The following ARHGAP30 variants were observed in gnomAD, a reference collection of about 807,000 sequenced individuals.
The protein encoded by ARHGAP30 is rho GTPase-activating protein 30.
Under a neutral mutation model 72.0 loss-of-function variants are expected in ARHGAP30, and 23 were observed. The observed-to-expected ratio is 0.32, with a 90% CI of 0.23 to 0.45. The LOEUF (loss-of-function observed/expected upper bound fraction) is 0.45. Among genes scored for constraint, ARHGAP30 ranks in the 20% least tolerant of loss-of-function variants. The pLI is 1.00. For synonymous variants in ARHGAP30, 576 were observed against 528.2 expected (o/e 1.09, Z -1.24); for missense variants, 1,319 against 1,383.4 (o/e 0.95, Z 0.74).
chr1:161,055,234 T>C (rs1651734243), intron 3 of ARHGAP30, among the ~76,000 whole-genome samples: 1 of 152,250 alleles, frequency 6.6e-6, no homozygotes, highest in Non-Finnish European at 1.5e-5. Context: ...GACTCACACC[T>C]GTAACACCAG....
chr1:161,053,124 C>G (rs1282687676), intron 6 of ARHGAP30, 134 bp downstream of exon 6: 1 of 1,329,088 alleles, frequency 7.5e-7, no homozygotes, highest in Non-Finnish European at 1.0e-6. Flanking sequence ...AATTATCTCC[C>G]CAGGGTTCTC....
chr1:161,064,765 GAAA>G (rs1197299691), intron 1 of ARHGAP30, among the ~76,000 whole-genome samples: 2 of 104,776 alleles, frequency 1.9e-5, no homozygotes, highest in African/African-American at 7.6e-5. Context: ...GAAAGAGAAA[GAAA>G]GAAAGAAAGA....
chr1:161,049,274 C>A lies in ARHGAP30; in HGVS notation c.1747G>T (p.Val583Phe), dbSNP rs918030160. The A allele has an allele frequency of 2.5e-6, 4 of 1,614,118 alleles. No homozygotes were observed. Among genetic ancestry groups the A allele is most frequent in the Non-Finnish European group, 1.7e-6 (2 of 1,180,018 alleles). ...DDLSLDEAQF[V>F]LAPSCCSLDS... ...AGGGAACAGCAGCTGGGGGCCAAGACAAACTGTGCCTCATCCAGAGACAGG... is the reference window on the plus strand; with the variant it reads ...AGGGAACAGCAGCTGGGGGCCAAGAAAAACTGTGCCTCATCCAGAGACAGG... Residue 583 changes from valine (V) to phenylalanine (F), a missense_variant, in exon 12 of 12, where the codon GTC becomes TTC. By Grantham distance (50) the Val-to-Phe change is conservative. Transcript: ENST00000368013.
chr1:161,060,295 A>G, intron 1 of ARHGAP30: 1 of 413,320 alleles, frequency 2.4e-6, no homozygotes, highest in Non-Finnish European at 4.8e-6. Flanking sequence ...AAGAGAAAGA[A>G]AGAAATTTAT....
intron 2 of ARHGAP30, 99 bp from the exon 3 acceptor site, chr1:161,056,631 CAT>C: frequency 7.4e-7 from 1 of 1,347,906 alleles, no homozygotes; most frequent in Non-Finnish European, 1.0e-6. Flanking sequence ...CGTGGGTCAA[CAT>C]GTGTTGGACT....
chr1:161,051,167 T>G, intron 10 of ARHGAP30, 147 bp downstream of exon 10: 1 of 1,365,732 alleles, frequency 7.3e-7, no homozygotes, highest in Non-Finnish European at 9.7e-7. Context: ...TCCCTAATCC[T>G]GAATCTAGGG....
At chr1:161,055,068 G>A (rs1005214907) in intron 3 of ARHGAP30, among the ~76,000 whole-genome samples, 1 of 152,172 alleles carries the variant, frequency 6.6e-6, no homozygotes, top group Non-Finnish European at 1.5e-5. Flanking sequence ...CCCCAACCTA[G>A]CCGGTGTGGA....
Position 161,069,263 on chromosome 1 carries a change from C to T in ARHGAP30, c.97+265G>A, listed in dbSNP as rs1037799125. 6.6e-6 allele frequency among the ~76,000 whole-genome samples: 1 copy of T among 152,148 alleles called. No individual in the cohort carries two copies. The highest frequency in any genetic ancestry group is 1.5e-5 in the Non-Finnish European group (1 of 68,028). On this transcript the variant is annotated intron_variant, in intron 1 of 11. Coordinates refer to ENST00000368013, the MANE Select transcript of ARHGAP30 (RefSeq NM_001025598.2). This position sits in a 1 kb window ranked among gnomAD's most constrained non-coding sequence, Gnocchi z 4.9. ...CTCCTCGGTTTCCAGTCTCTCCATC[C>T]TCCCCCTCACTGCTACCTGGGTACT...
rs767387301 is a variant in ARHGAP30 at position 161,051,420 on chromosome 1, A to G, written c.1314T>C (p.Val438=). Residue 438 remains valine, a synonymous_variant, in exon 10 of 12, where the codon GTT becomes GTC. Coordinates refer to ENST00000368013, the MANE Select transcript of ARHGAP30 (RefSeq NM_001025598.2). ...GGCCACGGGTGAGCCTGGCCAAGGAAACGTTAGAGATGATGTTCGGGGGCA... is the reference window on the plus strand; with the variant it reads ...GGCCACGGGTGAGCCTGGCCAAGGAGACGTTAGAGATGATGTTCGGGGGCA... The part of the protein sequence containing the change: ...LSVPPNIISN[V]SLARLTRGLE... 2.5e-6 allele frequency: 4 copies of G among 1,614,174 alleles called. No homozygotes were observed. In the Admixed American group the frequency reaches 6.7e-5, roughly 27 times the overall value.
At position 161,048,514 on chromosome 1, in the gene ARHGAP30, T is replaced by C. The variant is rs1651059488; in HGVS notation, c.2507A>G (p.Lys836Arg). The change falls in exon 12 of 12, where the codon AAG becomes AGG. Residue 836 changes from lysine to arginine, a missense_variant. Physicochemically the swap from Lys to Arg is conservative, Grantham distance 26. Transcript: ENST00000368013. ...CTCTCCATCCCCACTCTCCCGTTCC[T>C]TGCTGACCTCCCCTGCTCCTCCTTC... ...ATEGGAGEVS[K>R]ERESGDGEAE... 1 of 1,614,046 alleles carries C rather than the reference T, an allele frequency of 6.2e-7. No homozygotes were observed. The highest frequency in any genetic ancestry group is 1.3e-5 in the African/African-American group (1 of 74,924).
chr1:161,056,556 G>A, intron 2 of ARHGAP30, 24 bp from the exon 3 acceptor site: 1 of 1,606,478 alleles, frequency 6.2e-7, no homozygotes, highest in Non-Finnish European at 8.5e-7. Context: ...GTGTGGTCAG[G>A]AGTGGTAGGG....
chr1:161,056,325 G>T, intron 3 of ARHGAP30, 63 bp downstream of exon 3: 2 of 1,574,146 alleles, frequency 1.3e-6, no homozygotes, highest in Non-Finnish European at 1.7e-6. Context: ...GCACACTTGG[G>T]ATGTCAAAAC....
In ARHGAP30 at chr1:161,067,570, AAAAG is replaced by A. The variant is rs60677751; in HGVS notation, c.97+1954_97+1957del. 9.4e-3 allele frequency among the ~76,000 whole-genome samples: 1,404 copies of A among 149,066 alleles called. 11 individuals are homozygous for A. The highest frequency in any genetic ancestry group is 0.011 in the Non-Finnish European group (710 of 67,330). ...GGGACAGAGCAAGACTCCATCTCAA[AAAAG>A]AAAGAAAGAAAGAAAGAAAGAAACC... On this transcript the variant is annotated intron_variant, in intron 1 of 11. Transcript: ENST00000368013.
chr1:161,051,277 C>A (rs940429633), intron 10 of ARHGAP30, 37 bp downstream of exon 10: 5 of 1,533,440 alleles, frequency 3.3e-6, no homozygotes, highest in South Asian at 1.3e-5. Flanking sequence ...GAGTTCCAGT[C>A]CCCTTTCCTA....
At position 161,052,938 on chromosome 1, in the gene ARHGAP30, C is replaced by A. The variant is rs1238539676; in HGVS notation, c.665-141G>T. On this transcript the variant is annotated intron_variant, in intron 6 of 11. Transcript: ENST00000368013. ...CTGAAGACAGTGCCTCCATGTCCAT[C>A]ACCTCAAAAGAGTGCCCTCATGGAC... 8.1e-6 allele frequency: 9 copies of A among 1,115,246 alleles called. No individual in the cohort carries two copies. The South Asian group carries it at 1.1e-4, about 14-fold the overall frequency. 69.1% of individuals were successfully genotyped at this position (1,115,246 alleles called of 1,614,324 possible).
chr1:161,057,124 T>C (rs1469861268), intron 2 of ARHGAP30, among the ~76,000 whole-genome samples: 3 of 152,108 alleles, frequency 2.0e-5, no homozygotes, highest in Non-Finnish European at 2.9e-5. Flanking sequence ...TAAAGAACTC[T>C]TGTAATTCAA....
At chr1:161,054,788 C>G in intron 3 of ARHGAP30, 83 bp from the exon 4 acceptor site, 1 of 1,235,450 alleles carries the variant, frequency 8.1e-7, no homozygotes. Context: ...ACCAAGTTCT[C>G]AGGAACAATG....
At chr1:161,059,217 C>A (rs1040617557) in intron 2 of ARHGAP30, among the ~76,000 whole-genome samples, 2 of 151,850 alleles carry the variant, frequency 1.3e-5, no homozygotes, top group Admixed American at 1.3e-4. Flanking sequence ...TTAGTAGAGA[C>A]GGGGTTTCAC....
intron 3 of ARHGAP30, among the ~76,000 whole-genome samples, chr1:161,055,304 C>G (rs893084328): frequency 6.6e-6 from 1 of 152,092 alleles, no homozygotes; most frequent in Non-Finnish European, 1.5e-5. Flanking sequence ...CCAGCGTGGG[C>G]AACACAGCAA....
Sources: allele counts gnomAD v4.1 joint callset (sites outside exome capture counted in the v4.1 genomes callset), GRCh38; gene constraint gnomAD v4.1.1; non-coding constraint Gnocchi (gnomAD v3.1); transcripts MANE v1.5; gene names NCBI Gene and HGNC (gene_info 2026-07-23, HGNC 2026-07-21).